Variants in TTC7B observed in about 807,000 individuals in gnomAD.
TTC7B encodes tetratricopeptide repeat domain 7B, also known as tetratricopeptide repeat protein 7B.
Under a neutral mutation model 106.8 loss-of-function variants are expected in TTC7B, and 28 were observed. The observed-to-expected ratio is 0.26, with a 90% CI of 0.19 to 0.36. The LOEUF (loss-of-function observed/expected upper bound fraction) is 0.36, where lower values mean the gene tolerates loss of function less well. Ranked by LOEUF, TTC7B falls within the 10% of genes least tolerant of loss-of-function variation. The probability of loss-of-function intolerance (pLI) is 1.00; values close to 1 mark genes in which losing one functional copy is unlikely to be tolerated. For synonymous variants in TTC7B, 405 were observed against 430.6 expected (o/e 0.94, Z 0.74); for missense variants, 862 against 1,076.4 (o/e 0.80, Z 2.79).
At chr14:90,797,558 C>G (rs2029959596) in intron 1 of TTC7B, among the ~76,000 whole-genome samples, 3 of 151,922 alleles carry the variant, frequency 2.0e-5, no homozygotes, top group Middle Eastern at 3.4e-3. Flanking sequence ...TATTTGTGAT[C>G]CCCCTGCCTC....
At chr14:90,655,224 CTCAA>C in intron 11 of TTC7B, 114 bp from the exon 12 acceptor site, 1 of 746,994 alleles carries the variant, frequency 1.3e-6, no homozygotes, top group Non-Finnish European at 2.4e-6. Flanking sequence ...GAAAATGACT[CTCAA>C]ATCTCCCAAT....
At chr14:90,746,402 G>A (rs1337802854) in intron 3 of TTC7B, among the ~76,000 whole-genome samples, 2 of 152,100 alleles carry the variant, frequency 1.3e-5, no homozygotes, top group Non-Finnish European at 2.9e-5. Context: ...TTTAGTACCT[G>A]TAGAATCTTT....
intron 4 of TTC7B, among the ~76,000 whole-genome samples, chr14:90,734,699 C>T (rs569910608): frequency 1.8e-4 from 27 of 152,268 alleles, no homozygotes; most frequent in Non-Finnish European, 3.4e-4. Context: ...TCTCAGAGTT[C>T]TCTGAGAATT....
chr14:90,561,270 C>A (rs1220695835), intron 19 of TTC7B, among the ~76,000 whole-genome samples: 2 of 152,200 alleles, frequency 1.3e-5, no homozygotes, highest in African/African-American at 4.8e-5. Context: ...GGTCACTGGC[C>A]AGCATTCAAC....
rs1890350883 is a variant in TTC7B, at chr14:90,757,740, T to C, written c.446-12818A>G. ...CTAGAAGATCATGGTCATTAGCAAATATCCAATTCATAAAGACTGGGATTA... is the reference window on the plus strand; with the variant it reads ...CTAGAAGATCATGGTCATTAGCAAACATCCAATTCATAAAGACTGGGATTA... On this transcript the variant is annotated intron_variant, in intron 3 of 19. Coordinates refer to ENST00000328459, the MANE Select transcript of TTC7B (RefSeq NM_001010854.2). The surrounding 1 kb of genome is among the most constrained non-coding windows in gnomAD (Gnocchi z 4.1). 6.6e-6 allele frequency among the ~76,000 whole-genome samples: 1 copy of C among 152,138 alleles called. No individual in the cohort carries two copies. Among genetic ancestry groups the C allele is most frequent in the Non-Finnish European group, 1.5e-5 (1 of 68,024 alleles).
intron 19 of TTC7B, among the ~76,000 whole-genome samples, chr14:90,556,689 A>T (rs1375509086): frequency 6.6e-6 from 1 of 151,634 alleles, no homozygotes; most frequent in African/African-American, 2.4e-5. Flanking sequence ...CCCCCTAAAG[A>T]CCCCTCCTGC....
rs1471945208 is a variant in TTC7B, at chr14:90,541,471, G to T, written c.2429C>A (p.Ala810Asp). The change falls in exon 20 of 20, where the codon GCT becomes GAT. Residue 810 changes from alanine to aspartate, a missense_variant. Ala to Asp is a moderately radical substitution (Grantham distance 126, BLOSUM62 -2). Coordinates refer to ENST00000328459, the MANE Select transcript of TTC7B (RefSeq NM_001010854.2). ...CGTAGCCGCCGCATCGTTGCCCTGA[G>T]CTTGGAGGACCTCGCCCAGCCCGTT... ...VWNGLGEVLQ[A>D]QGNDAAATEC... 6.2e-7 allele frequency: 1 copy of T among 1,614,096 alleles called. No homozygotes were observed. The highest frequency in any genetic ancestry group is 1.1e-5 in the South Asian group (1 of 91,080).
chr14:90,684,993 T>C (rs1345147794), intron 7 of TTC7B, among the ~76,000 whole-genome samples: 1 of 152,214 alleles, frequency 6.6e-6, no homozygotes, highest in African/African-American at 2.4e-5. Flanking sequence ...TCTCATTCCA[T>C]CCAGGATTTT....
rs187387016 is a variant in TTC7B, at chr14:90,740,795, C to T, written c.576+3997G>A. 6.2e-3 allele frequency among the ~76,000 whole-genome samples: 943 copies of T among 152,210 alleles called. 6 individuals are homozygous for T. The highest frequency in any genetic ancestry group is 8.9e-3 in the Non-Finnish European group (608 of 68,010). On this transcript the variant is annotated intron_variant, in intron 4 of 19. Coordinates refer to ENST00000328459, the MANE Select transcript of TTC7B (RefSeq NM_001010854.2). ...GGGATTACAGGTGTGAGCCACCACA[C>T]CCGGCCTCTTTAACATTTTTAATGA...
intron 2 of TTC7B, among the ~76,000 whole-genome samples, chr14:90,785,520 G>A (rs1356744464): frequency 6.6e-6 from 1 of 152,158 alleles, no homozygotes; most frequent in Non-Finnish European, 1.5e-5. Flanking sequence ...AGGGCGGGAA[G>A]AGGAGATGAC....
intron 14 of TTC7B, among the ~76,000 whole-genome samples, chr14:90,645,854 C>G (rs1427975497): frequency 6.6e-6 from 1 of 152,146 alleles, no homozygotes; most frequent in African/African-American, 2.4e-5. Context: ...AAAGCAATGA[C>G]AATGATGGGC....
At chr14:90,599,672 C>T (rs1892351741) in intron 17 of TTC7B, among the ~76,000 whole-genome samples, 1 of 152,212 alleles carries the variant, frequency 6.6e-6, no homozygotes, top group Non-Finnish European at 1.5e-5. Flanking sequence ...CAGACACCTG[C>T]CCTCCCCACA....
chr14:90,786,351 A>C (rs923383434), intron 1 of TTC7B, 23 bp from the exon 2 acceptor site: 14 of 1,611,222 alleles, frequency 8.7e-6, no homozygotes, highest in Non-Finnish European at 1.2e-5. Context: ...AGTGAGAACA[A>C]AGTGGGAGCA....
chr14:90,553,391 T>C (rs1890169349), intron 19 of TTC7B, among the ~76,000 whole-genome samples: 1 of 152,230 alleles, frequency 6.6e-6, no homozygotes, highest in Admixed American at 6.5e-5. Flanking sequence ...GCCAACCAGC[T>C]ATGGAAGCAG....
intron 3 of TTC7B, among the ~76,000 whole-genome samples, chr14:90,764,933 C>T (rs1170886900): frequency 6.6e-6 from 1 of 152,104 alleles, no homozygotes; most frequent in East Asian, 1.9e-4. Context: ...AATCCCACCC[C>T]TAAGTATACA....
chr14:90,767,466 G>A (rs1238100315), intron 3 of TTC7B, among the ~76,000 whole-genome samples: 1 of 152,186 alleles, frequency 6.6e-6, no homozygotes, highest in Non-Finnish European at 1.5e-5. Flanking sequence ...TGAAGACAGA[G>A]TGAGTGATTA....
intron 3 of TTC7B, among the ~76,000 whole-genome samples, chr14:90,764,092 G>A (rs1340354258): frequency 1.3e-5 from 2 of 151,962 alleles, no homozygotes; most frequent in South Asian, 2.1e-4. Context: ...AGACAGTGTG[G>A]TACTGGCATA....
chr14:90,670,137 T>C (rs7161349), intron 9 of TTC7B, among the ~76,000 whole-genome samples: 5 of 152,310 alleles, frequency 3.3e-5, no homozygotes, highest in Non-Finnish European at 7.4e-5. Flanking sequence ...ATACATACAA[T>C]GGAATATTAT....
At chr14:90,706,477 A>G (rs1477333016) in intron 5 of TTC7B, among the ~76,000 whole-genome samples, 2 of 152,144 alleles carry the variant, frequency 1.3e-5, no homozygotes, top group Non-Finnish European at 2.9e-5. Context: ...AATAATTTTT[A>G]TAAGATGTTT....
Sources: allele counts gnomAD v4.1 joint callset (sites outside exome capture counted in the v4.1 genomes callset), GRCh38; gene constraint gnomAD v4.1.1; non-coding constraint Gnocchi (gnomAD v3.1); transcripts MANE v1.5; gene names NCBI Gene and HGNC (gene_info 2026-07-23, HGNC 2026-07-21).